Variants in PSD3 observed in about 807,000 individuals in gnomAD.
PSD3 encodes PH and SEC7 domain-containing protein 3.
A neutral mutation model predicts 105.5 loss-of-function variants in PSD3; 49 were observed. That is an observed-to-expected ratio of 0.46 (90% CI 0.37 to 0.59). The LOEUF (loss-of-function observed/expected upper bound fraction) is 0.59. Among genes scored for constraint, PSD3 ranks in the 20% least tolerant of loss-of-function variants. The pLI, the probability that PSD3 is intolerant of heterozygous loss-of-function variation, is 0.00. For synonymous variants in PSD3, 557 were observed against 457.8 expected, an observed-to-expected ratio of 1.22 and a Z score of -2.77; for missense variants, 1,561 against 1,263.8, an observed-to-expected ratio of 1.24 and a Z score of -3.57.
intron 12 of PSD3, among the ~76,000 whole-genome samples, chr8:18,591,330 G>A (rs541918856): frequency 1.3e-5 from 2 of 152,250 alleles, no homozygotes; most frequent in South Asian, 2.1e-4. Context: ...CTTAATCTTG[G>A]TTCAATTGGA....
intron 11 of PSD3, among the ~76,000 whole-genome samples, chr8:18,602,182 G>A (rs903541412): frequency 2.6e-5 from 4 of 151,964 alleles, no homozygotes; most frequent in African/African-American, 7.2e-5. Context: ...GGCATCTTGC[G>A]ATCCCTTTAG....
intron 2 of PSD3, among the ~76,000 whole-genome samples, chr8:18,930,117 G>C (rs1334403508): frequency 6.6e-6 from 1 of 152,112 alleles, no homozygotes; most frequent in Non-Finnish European, 1.5e-5. Flanking sequence ...GCTAAGGAAA[G>C]ACATGACTGA....
At chr8:18,900,405 T>C (rs1163282233) in intron 2 of PSD3, among the ~76,000 whole-genome samples, 1 of 152,142 alleles carries the variant, frequency 6.6e-6, no homozygotes. Flanking sequence ...CTTACAACGG[T>C]ACTTACACTG....
At chr8:19,007,890 T>C (rs1826766197) in intron 1 of PSD3, among the ~76,000 whole-genome samples, 1 of 152,310 alleles carries the variant, frequency 6.6e-6, no homozygotes, top group African/African-American at 2.4e-5. Flanking sequence ...GTTGCCTGGC[T>C]GGAGTGCAAT....
intron 1 of PSD3, among the ~76,000 whole-genome samples, chr8:18,985,116 T>C (rs1444888250): frequency 6.6e-6 from 1 of 152,180 alleles, no homozygotes; most frequent in Non-Finnish European, 1.5e-5. Context: ...ATATTTTTAG[T>C]GGAGATGGGG....
intron 9 of PSD3, among the ~76,000 whole-genome samples, chr8:18,673,034 G>T (rs1799871014): frequency 6.6e-6 from 1 of 151,792 alleles, no homozygotes; most frequent in Non-Finnish European, 1.5e-5. Flanking sequence ...TTACTAAAAG[G>T]TATGTAATAC....
chr8:18,960,817 G>A (rs922054317), intron 1 of PSD3, among the ~76,000 whole-genome samples: 1 of 152,136 alleles, frequency 6.6e-6, no homozygotes, highest in African/African-American at 2.4e-5. Context: ...TGGGCACAGT[G>A]GCTAATATCG....
chr8:18,727,075 C>T (rs1342885323), intron 9 of PSD3, among the ~76,000 whole-genome samples: 4 of 151,858 alleles, frequency 2.6e-5, no homozygotes, highest in South Asian at 2.1e-4. Context: ...CAGTGGCTCA[C>T]GCCTGTAATC....
chr8:18,908,699 A>ATGGTTCATCATCTTCTAT (rs1820004551), intron 2 of PSD3, among the ~76,000 whole-genome samples: 1 of 152,164 alleles, frequency 6.6e-6, no homozygotes, highest in African/African-American at 2.4e-5. Flanking sequence ...TTGGCACTTA[A>ATGGTTCATCATCTTCTAT]TTACGTATCA....
intron 1 of PSD3, among the ~76,000 whole-genome samples, chr8:19,060,623 G>A (rs1194335374): frequency 6.6e-6 from 1 of 152,190 alleles, no homozygotes; most frequent in African/African-American, 2.4e-5. Flanking sequence ...AACAGAGTGA[G>A]ACCCCATCTC....
chr8:18,900,781 A>C lies in PSD3; in HGVS notation c.131-28048T>G, dbSNP rs1819455475. 4.0e-5 allele frequency among the ~76,000 whole-genome samples: 6 copies of C among 151,854 alleles called. No individual in the cohort carries two copies. The South Asian group carries it at 1.2e-3, about 32-fold the overall frequency. On this transcript the variant is annotated intron_variant, in intron 2 of 15. Coordinates refer to ENST00000327040, the MANE Select transcript of PSD3 (RefSeq NM_015310.4). ...CAGCCTCCCAAGTAGCTGAGACTAC[A>C]GGTGTGCACCAACATGGAGATCACT...
chr8:19,046,408 C>T lies in PSD3; in HGVS notation c.324+37798G>A, dbSNP rs1347848304. On this transcript the variant is annotated intron_variant, in intron 1 of 1. Coordinates refer to the PSD3 transcript ENST00000521475. ...TACAGGCTGAGCCACCGTGCCTGGCCGGTAACTAGATCTTATACTTCTGAC... is the reference window on the plus strand; with the variant it reads ...TACAGGCTGAGCCACCGTGCCTGGCTGGTAACTAGATCTTATACTTCTGAC... Among the ~76,000 whole-genome samples, 7 of 152,108 alleles carry T rather than the reference C, an allele frequency of 4.6e-5. No individual in the cohort carries two copies. In the East Asian group the frequency reaches 5.8e-4, roughly 13 times the overall value.
intron 3 of PSD3, among the ~76,000 whole-genome samples, chr8:18,868,344 A>AT (rs1180740629): frequency 6.6e-6 from 1 of 152,192 alleles, no homozygotes; most frequent in Non-Finnish European, 1.5e-5. Context: ...TGAATAAAAT[A>AT]TTCAATTCTC....
At chr8:18,803,976 A>G (rs535272532) in intron 6 of PSD3, among the ~76,000 whole-genome samples, 20 of 152,170 alleles carry the variant, frequency 1.3e-4, no homozygotes, top group African/African-American at 4.3e-4. Context: ...CGAAAAACAG[A>G]AAAACTCCTA....
At position 18,667,641 on chromosome 8, in the gene PSD3, G is replaced by T. The variant is rs571770194; in HGVS notation, c.2173-11956C>A. Among the ~76,000 whole-genome samples, 161 of 152,312 alleles carry T rather than the reference G, an allele frequency of 1.1e-3. 1 individual carries two copies. Among genetic ancestry groups the T allele is most frequent in the African/African-American group, 3.5e-3 (146 of 41,580 alleles). On this transcript the variant is annotated intron_variant, in intron 9 of 15. Transcript: ENST00000327040. ...TCACCCAGTGGATCCTGAACCAGGC[G>T]GCAGGCAGAGCTGCCCGCCAGTCCC... is the stretch of plus-strand genomic sequence containing the variant.
At chr8:19,081,338 G>A (rs1829639664) in intron 1 of PSD3, among the ~76,000 whole-genome samples, 1 of 152,192 alleles carries the variant, frequency 6.6e-6, no homozygotes, top group Non-Finnish European at 1.5e-5. Flanking sequence ...AATTAGGAGT[G>A]CAGTACAGAC....
chr8:18,549,120 G>A (rs1800614354), intron 15 of PSD3, among the ~76,000 whole-genome samples: 1 of 151,860 alleles, frequency 6.6e-6, no homozygotes, highest in Non-Finnish European at 1.5e-5. Flanking sequence ...TTGAGGTAGG[G>A]GTGACATAGA....
At chr8:19,001,604 G>A (rs1328896824) in intron 1 of PSD3, 1 of 151,908 alleles carries the variant, frequency 6.6e-6, no homozygotes, top group Non-Finnish European at 1.5e-5. Flanking sequence ...TTGACTGACT[G>A]GCTAACAAGT....
intron 11 of PSD3, among the ~76,000 whole-genome samples, chr8:18,626,071 T>G (rs1480158292): frequency 1.3e-5 from 2 of 152,150 alleles, no homozygotes; most frequent in African/African-American, 4.8e-5. Context: ...AAGCTTTCCC[T>G]TAATGTCAGA....
Sources: allele counts gnomAD v4.1 joint callset (sites outside exome capture counted in the v4.1 genomes callset), GRCh38; gene constraint gnomAD v4.1.1; transcripts MANE v1.5; gene names NCBI Gene and HGNC (gene_info 2026-07-23, HGNC 2026-07-21).